The following IL17F variants were observed in gnomAD, a reference collection of about 807,000 sequenced individuals.
The protein encoded by IL17F is interleukin-17F.
IL17F carries 6 observed loss-of-function variants against 8.3 expected under a neutral mutation model. That is an observed-to-expected ratio of 0.73 (90% confidence interval 0.40 to 1.43). IL17F has a LOEUF of 1.43. IL17F is among the 40% of genes most tolerant of loss of function. The probability of loss-of-function intolerance (pLI) is 0.02; values close to 1 mark genes in which losing one functional copy is unlikely to be tolerated. For synonymous variants in IL17F, 98 were observed against 81.6 expected (o/e 1.20, Z -1.08); for missense variants, 204 against 209.6 (o/e 0.97, Z 0.17).
intron 1 of IL17F, among the ~76,000 whole-genome samples, chr6:52,242,464 T>C (rs989187215): frequency 6.6e-6 from 1 of 152,234 alleles, no homozygotes; most frequent in African/African-American, 2.4e-5. Context: ...ATTCCAATGC[T>C]CCTTGCACTG....
rs1169477692 is a variant in IL17F at position 52,236,934 on chromosome 6, C to T, written c.489G>A (p.Gln163=). The T allele has an allele frequency of 6.2e-7, 1 of 1,612,304 alleles. No homozygotes were observed. The highest frequency in any genetic ancestry group is 1.7e-4 in the Middle Eastern group (1 of 6,048). ...CAGCTGAGTGGATATGCACCTCTTA[C>T]TGCACATGGTGGATGACAGGGGTGA... ...TCVTPVIHHV[Q] The change falls in exon 3 of 3, where the codon CAG becomes CAA. Residue 163 remains glutamine (Q), a synonymous_variant. Transcript: ENST00000336123.
In IL17F at chr6:52,236,817, T is replaced by A; in HGVS notation, c.*114A>T. 1.2e-6 allele frequency: 1 copy of A among 827,078 alleles called. No homozygotes were observed. The highest frequency in any genetic ancestry group is 2.2e-6 in the Non-Finnish European group (1 of 465,016). 51.2% of individuals were successfully genotyped at this position (827,078 alleles called of 1,614,324 possible). On this transcript the variant is annotated 3_prime_UTR_variant, in exon 3 of 3. Transcript: ENST00000336123. ...TTTTCTGTTTCCATCCGTGCAGGTCTTATTAAGAGTCCTGTGAAGTGGAGG... is the reference window on the plus strand; with the variant it reads ...TTTTCTGTTTCCATCCGTGCAGGTCATATTAAGAGTCCTGTGAAGTGGAGG...
At chr6:52,244,552 T>C (rs1764129485), upstream of IL17F, 3 of 921,660 alleles carry the variant, frequency 3.3e-6, no homozygotes, top group African/African-American at 3.2e-5. Flanking sequence ...CCTGTTTCGA[T>C]TGACCTGCTT....
chr6:52,236,727 T>C lies in IL17F; in HGVS notation c.*204A>G, dbSNP rs917982106. 6.8e-6 allele frequency: 4 copies of C among 584,484 alleles called. No individual in the cohort carries two copies. The highest frequency in any genetic ancestry group is 1.2e-5 in the Non-Finnish European group (4 of 328,078). 36.2% of individuals were successfully genotyped at this position (584,484 alleles called of 1,614,324 possible). On this transcript the variant is annotated 3_prime_UTR_variant, in exon 3 of 3. Coordinates refer to ENST00000336123, the MANE Select transcript of IL17F (RefSeq NM_052872.4). ...ATTATATTAGCACTGAATATATTAA[T>C]TTTTCTCCTAACATTTTAGATATCA...
rs778821934 is a variant in IL17F, at chr6:52,244,377, G to A, written c.33+20C>T. On this transcript the variant is annotated intron_variant, in intron 1 of 2. Coordinates refer to ENST00000336123, the MANE Select transcript of IL17F (RefSeq NM_052872.4). ...CCTAGGCATGACAGTCCTTAAACCA[G>A]AATGATTGCTGCTACTCACCATGGC... 1.2e-6 allele frequency: 2 copies of A among 1,612,268 alleles called. No homozygotes were observed. Among genetic ancestry groups the A allele is most frequent in the Admixed American group, 1.7e-5 (1 of 60,000 alleles).
At chr6:52,241,701 TA>T (rs1764077405) in intron 1 of IL17F, among the ~76,000 whole-genome samples, 1 of 152,200 alleles carries the variant, frequency 6.6e-6, no homozygotes, top group Non-Finnish European at 1.5e-5. Context: ...CCTGGTGAGG[TA>T]ATCAGAGCTA....
intron 1 of IL17F, 39 bp from the exon 2 acceptor site, chr6:52,238,989 C>T: frequency 1.3e-6 from 2 of 1,553,890 alleles, no homozygotes. Context: ...TAGAGACTCG[C>T]CTCACCTACT....
chr6:52,238,975 CAGTT>C (rs1764020405), intron 1 of IL17F, 25 bp from the exon 2 acceptor site: 1 of 1,596,290 alleles, frequency 6.3e-7, no homozygotes, highest in South Asian at 1.1e-5. Flanking sequence ...ACGCTGCAAT[CAGTT>C]AGAGACTCGC....
upstream of IL17F, among the ~76,000 whole-genome samples, chr6:52,244,790 T>A (rs1764133794): frequency 6.6e-6 from 1 of 152,210 alleles, no homozygotes; most frequent in Non-Finnish European, 1.5e-5. Context: ...TGTTGTCAAA[T>A]CTTTTTTGTT....
chr6:52,240,159 G>T (rs369034207), intron 1 of IL17F, among the ~76,000 whole-genome samples: 2 of 152,116 alleles, frequency 1.3e-5, no homozygotes, highest in East Asian at 3.9e-4. Flanking sequence ...GCTGAAGGCC[G>T]GGTGCAGTGG....
chr6:52,241,952 G>A (rs901130596), intron 1 of IL17F, among the ~76,000 whole-genome samples: 51 of 152,300 alleles, frequency 3.3e-4, no homozygotes, highest in African/African-American at 1.1e-3. Context: ...CATAAGTGTT[G>A]TAGGTCACAT....
chr6:52,245,196 A>G (rs11465536), upstream of IL17F, among the ~76,000 whole-genome samples: 7,141 of 152,314 alleles, frequency 0.047, 257 homozygotes, highest in Middle Eastern at 0.068. Flanking sequence ...ACCAGCAAGC[A>G]ATCAATTCTG....
chr6:52,240,840 T>G (rs940370793), intron 1 of IL17F, among the ~76,000 whole-genome samples: 4 of 151,604 alleles, frequency 2.6e-5, no homozygotes, highest in Non-Finnish European at 5.9e-5. Context: ...GTCCAGGGTC[T>G]GTAACTCAAT....
At chr6:52,237,989 G>C (rs906770854) in intron 2 of IL17F, among the ~76,000 whole-genome samples, 1 of 152,218 alleles carries the variant, frequency 6.6e-6, no homozygotes, top group East Asian at 1.9e-4. Flanking sequence ...CTGTCCTGCT[G>C]TGGCCCTAGG....
upstream of IL17F, among the ~76,000 whole-genome samples, chr6:52,245,054 C>T (rs1250806587): frequency 6.6e-6 from 1 of 152,192 alleles, no homozygotes; most frequent in East Asian, 1.9e-4. Context: ...CATGGTTAGA[C>T]TCCTACTGGT....
At chr6:52,239,473 T>C (rs1236954539) in intron 1 of IL17F, among the ~76,000 whole-genome samples, 4 of 152,180 alleles carry the variant, frequency 2.6e-5, no homozygotes, top group Admixed American at 6.5e-5. Flanking sequence ...TAGAATACAC[T>C]GCCTAGAATA....
Position 52,238,717 on chromosome 6 carries a change from C to A in IL17F, c.254+13G>T. The A allele has an allele frequency of 6.2e-7, 1 of 1,601,830 alleles. No homozygotes were observed. Among genetic ancestry groups the A allele is most frequent in the South Asian group, 1.1e-5 (1 of 90,680 alleles). ...TTCCAAAGAATGTGAAAATCAGTCT[C>A]ATTTGCACTTACGTGTAATTCCAGG... On this transcript the variant is annotated intron_variant, in intron 2 of 2. Coordinates refer to ENST00000336123, the MANE Select transcript of IL17F (RefSeq NM_052872.4).
chr6:52,238,586 A>G, intron 2 of IL17F, 144 bp downstream of exon 2: 1 of 768,448 alleles, frequency 1.3e-6, no homozygotes, highest in Non-Finnish European at 2.1e-6. Context: ...GAAAGATATG[A>G]GCTCCCAGGT....
intron 2 of IL17F, among the ~76,000 whole-genome samples, chr6:52,237,710 G>T (rs1408871281): frequency 6.6e-6 from 1 of 152,006 alleles, no homozygotes; most frequent in African/African-American, 2.4e-5. Flanking sequence ...CTGCCAGCTT[G>T]CCATTGTACA....
Sources: allele counts gnomAD v4.1 joint callset (sites outside exome capture counted in the v4.1 genomes callset), GRCh38; gene constraint gnomAD v4.1.1; transcripts MANE v1.5; gene names NCBI Gene and HGNC (gene_info 2026-07-23, HGNC 2026-07-21).